The following ZBTB41 variants were observed in gnomAD, a reference collection of about 807,000 sequenced individuals.
ZBTB41 encodes the protein zinc finger and BTB domain-containing protein 41.
Under a neutral mutation model 87.6 loss-of-function variants are expected in ZBTB41, and 42 were observed. The ratio of observed to expected loss-of-function variants is 0.48; its 90% CI spans 0.37 to 0.62. ZBTB41 has a LOEUF of 0.62. ZBTB41 is among the 20% of genes least tolerant of loss of function. The pLI is 0.00. For missense variants in ZBTB41, 799 were observed against 1,078.9 expected (o/e 0.74, Z 3.63); for synonymous variants, 364 against 364.0 (o/e 1.00, Z 0.00).
intron 5 of ZBTB41, 111 bp from the exon 6 acceptor site, chr1:197,181,228 A>T: frequency 1.1e-6 from 1 of 883,762 alleles, no homozygotes; most frequent in Non-Finnish European, 1.6e-6. Flanking sequence ...CATATGTCAT[A>T]ATACACTGCA....
At position 197,196,184 on chromosome 1, in the gene ZBTB41, G is replaced by A. The variant is rs185053660; in HGVS notation, c.1120+3170C>T. Reference sequence around the variant, plus strand: ...AAGACAGATAAATACCCCAAAATCTGGGTGGCATTTTAAAATTCTACGAAA... The same window carrying A: ...AAGACAGATAAATACCCCAAAATCTAGGTGGCATTTTAAAATTCTACGAAA... On this transcript the variant is annotated intron_variant, in intron 2 of 10. Coordinates refer to ENST00000367405, the MANE Select transcript of ZBTB41 (RefSeq NM_194314.3). 3.7e-3 allele frequency among the ~76,000 whole-genome samples: 567 copies of A among 152,252 alleles called. 2 individuals are homozygous for A. The highest frequency in any genetic ancestry group is 4.3e-3 in the Non-Finnish European group (295 of 68,012).
chr1:197,174,363 A>C (rs1272755269), intron 9 of ZBTB41, among the ~76,000 whole-genome samples: 1 of 152,144 alleles, frequency 6.6e-6, no homozygotes, highest in Non-Finnish European at 1.5e-5. Context: ...TCACCATAAA[A>C]AAGTTTAGAA....
chr1:197,166,274 G>A (rs1307585964), intron 10 of ZBTB41, among the ~76,000 whole-genome samples: 3 of 151,942 alleles, frequency 2.0e-5, no homozygotes, highest in Non-Finnish European at 4.4e-5. Context: ...AATCAACAAA[G>A]AGAAAAATCA....
Position 197,189,512 on chromosome 1 carries a change from C to T in ZBTB41, c.1399-1073G>A, listed in dbSNP as rs1041638158. 5.4e-5 allele frequency among the ~76,000 whole-genome samples: 8 copies of T among 148,726 alleles called. No individual in the cohort carries two copies. The East Asian group carries it at 5.9e-4, about 11-fold the overall frequency. On this transcript the variant is annotated intron_variant, in intron 4 of 10. Transcript: ENST00000367405. ...CTGCACTCCAGCCTGGGTGACAAAG[C>T]GAGACTCCGTCTCAAAAAAAAAAAA...
At chr1:197,192,748 T>C (rs1376392626) in intron 2 of ZBTB41, among the ~76,000 whole-genome samples, 2 of 152,128 alleles carry the variant, frequency 1.3e-5, no homozygotes, top group Non-Finnish European at 2.9e-5. Flanking sequence ...AGCATTTCAG[T>C]CATATACTTT....
In ZBTB41 at chr1:197,155,099, G is replaced by C. The variant is rs1273571217; in HGVS notation, c.*4260C>G. 6.6e-6 allele frequency: 1 copy of C among 152,244 alleles called. No individual in the cohort carries two copies. The highest frequency in any genetic ancestry group is 6.6e-5 in the Admixed American group (1 of 15,234). The allele number at this position is 152,244 out of a possible 1,614,324, so 9.4% of individuals were successfully genotyped here. A position where few individuals can be genotyped will look rare whatever the true frequency, so the allele number is the denominator to read the frequency against. ...AGTTATGGTTACTGGTTATTTAAAA[G>C]ACAGAGAAACAGAGACACAGATGCA... is the stretch of plus-strand genomic sequence containing the variant. On this transcript the variant is annotated 3_prime_UTR_variant, in exon 11 of 11. Coordinates refer to ENST00000367405, the MANE Select transcript of ZBTB41 (RefSeq NM_194314.3).
chr1:197,182,877 G>A (rs1474764315), intron 5 of ZBTB41, among the ~76,000 whole-genome samples: 4 of 152,096 alleles, frequency 2.6e-5, no homozygotes, highest in Non-Finnish European at 5.9e-5. Context: ...ACCTATCTGA[G>A]TCAGACACTC....
In ZBTB41 at chr1:197,199,404, TTGC is replaced by T; in HGVS notation, c.1067_1069del (p.Ser356del). The T allele has an allele frequency of 1.3e-6, 2 of 1,591,028 alleles. No homozygotes were observed. The highest frequency in any genetic ancestry group is 1.7e-6 in the Non-Finnish European group (2 of 1,173,122). ...TTTAGGACACTGCAATATTTTTTTG[TTGC>T]TGTTCTGAATGACCACTGGAGTTAA... On this transcript the variant is annotated inframe_deletion, in exon 2 of 11. Transcript: ENST00000367405.
chr1:197,174,173 T>C (rs1036043694), intron 9 of ZBTB41, among the ~76,000 whole-genome samples: 1 of 152,064 alleles, frequency 6.6e-6, no homozygotes, highest in Admixed American at 6.6e-5. Context: ...TGCTAAGCCA[T>C]ACAGATTTTC....
At chr1:197,191,003 T>C (rs930917913) in intron 3 of ZBTB41, among the ~76,000 whole-genome samples, 172 bp from the exon 4 acceptor site, 3 of 152,148 alleles carry the variant, frequency 2.0e-5, no homozygotes, top group Non-Finnish European at 4.4e-5. Context: ...TTTAAACACA[T>C]TCAGGAACCT....
chr1:197,177,674 T>C (rs1659644846), intron 7 of ZBTB41, among the ~76,000 whole-genome samples: 1 of 152,102 alleles, frequency 6.6e-6, no homozygotes, highest in Non-Finnish European at 1.5e-5. Context: ...TTATTAAGAT[T>C]AATTTAACTT....
At position 197,199,952 on chromosome 1, in the gene ZBTB41, T is replaced by C. The variant is rs1660268716; in HGVS notation, c.522A>G (p.Leu174=). ...FLDIIDAVKL[L]NNENVAPFHS... ...GAAAAGGGGCAACATTTTCGTTATT[T>C]AACAACTTCACTGCATCTATAATGT... is the stretch of plus-strand genomic sequence containing the variant. The change falls in exon 2 of 11, where the codon TTA becomes TTG. Residue 174 remains leucine, a synonymous_variant. Coordinates refer to ENST00000367405, the MANE Select transcript of ZBTB41 (RefSeq NM_194314.3). 1.9e-6 allele frequency: 3 copies of C among 1,613,322 alleles called. No individual in the cohort carries two copies. Among genetic ancestry groups the C allele is most frequent in the Non-Finnish European group, 2.5e-6 (3 of 1,179,660 alleles).
At chr1:197,193,596 C>G (rs11801039) in intron 2 of ZBTB41, among the ~76,000 whole-genome samples, 5,417 of 152,190 alleles carry the variant, frequency 0.036, 323 homozygotes, top group African/African-American at 0.12. Flanking sequence ...ATACACTTGG[C>G]TCTTTCCCCT....
chr1:197,166,754 G>C (rs887538591), intron 10 of ZBTB41, among the ~76,000 whole-genome samples: 1 of 152,158 alleles, frequency 6.6e-6, no homozygotes, highest in African/African-American at 2.4e-5. Context: ...GGCTGAAGCA[G>C]GAGAATCGCT....
In ZBTB41 at chr1:197,159,472, C is replaced by A. The variant is rs746738546; in HGVS notation, c.2617G>T (p.Val873Phe). 5.6e-6 allele frequency: 9 copies of A among 1,613,794 alleles called. No individual in the cohort carries two copies. The highest frequency in any genetic ancestry group is 7.6e-6 in the Non-Finnish European group (9 of 1,179,868). ...TPQPANIVHP[V>F]RPEQMLDPRE... ...GGATCTAGCATTTGTTCAGGTCGAA[C>A]TGGGTGAACTATATTTGCAGGTTGA... Residue 873 changes from valine to phenylalanine, a missense_variant, in exon 11 of 11, where the codon GTT (valine) becomes TTT (phenylalanine). Physicochemically the swap from Val to Phe is conservative, Grantham distance 50. Transcript: ENST00000367405.
intron 7 of ZBTB41, 116 bp from the exon 8 acceptor site, chr1:197,176,786 T>G: frequency 1.4e-6 from 1 of 721,830 alleles, no homozygotes; most frequent in Non-Finnish European, 2.4e-6. Flanking sequence ...CAACCACTCA[T>G]ACATTATTGG....
At chr1:197,160,397 T>A (rs1184301925) in intron 10 of ZBTB41, among the ~76,000 whole-genome samples, 2 of 152,178 alleles carry the variant, frequency 1.3e-5, no homozygotes. Flanking sequence ...TGTAAACTAT[T>A]GTTATTGCTT....
Position 197,158,319 on chromosome 1 carries a change from T to C in ZBTB41, c.*1040A>G, listed in dbSNP as rs1298933442. The C allele has an allele frequency of 1.3e-5, 2 of 152,484 alleles. No individual in the cohort carries two copies. Among genetic ancestry groups the C allele is most frequent in the Admixed American group, 6.6e-5 (1 of 15,250 alleles). 9.4% of individuals were successfully genotyped at this position (152,484 alleles called of 1,614,324 possible). Reference sequence around the variant, plus strand: ...AATCTGTATATAAGTAGTGGTTCCATTTAATTAAACAATGTTAAGTTAAAT... The same window carrying C: ...AATCTGTATATAAGTAGTGGTTCCACTTAATTAAACAATGTTAAGTTAAAT... On this transcript the variant is annotated 3_prime_UTR_variant, in exon 11 of 11. Coordinates refer to ENST00000367405, the MANE Select transcript of ZBTB41 (RefSeq NM_194314.3).
intron 10 of ZBTB41, 60 bp from the exon 11 acceptor site, chr1:197,160,074 G>T: frequency 7.4e-7 from 1 of 1,347,102 alleles, no homozygotes; most frequent in Non-Finnish European, 1.0e-6. Flanking sequence ...ATAAGACAAT[G>T]ACTTCAAGTA....
Sources: allele counts gnomAD v4.1 joint callset (sites outside exome capture counted in the v4.1 genomes callset), GRCh38; gene constraint gnomAD v4.1.1; transcripts MANE v1.5; gene names NCBI Gene and HGNC (gene_info 2026-07-23, HGNC 2026-07-21).